TMEM117: variants seen among roughly 807,000 people sequenced by gnomAD.
TMEM117 encodes the protein transmembrane protein 117.
In TMEM117, 27 loss-of-function variants were observed where a neutral mutation model predicts 52.4. The ratio of observed to expected loss-of-function variants is 0.51; its 90% CI spans 0.38 to 0.71. The LOEUF (loss-of-function observed/expected upper bound fraction) is 0.71. Among genes scored for constraint, TMEM117 ranks in the 30% least tolerant of loss-of-function variants. The pLI is 0.00. For synonymous variants in TMEM117, 215 were observed against 206.3 expected, an observed-to-expected ratio of 1.04 and a Z score of -0.36; for missense variants, 556 against 630.5, an observed-to-expected ratio of 0.88 and a Z score of 1.26.
chr12:44,142,038 G>A (rs1379761744), intron 3 of TMEM117, among the ~76,000 whole-genome samples: 5 of 152,070 alleles, frequency 3.3e-5, no homozygotes, highest in East Asian at 1.9e-4. Context: ...AAATTTCTGC[G>A]TTTGTGAGTC....
intron 6 of TMEM117, among the ~76,000 whole-genome samples, chr12:44,307,358 CCTT>C (rs1450051991): frequency 6.6e-6 from 1 of 152,130 alleles, no homozygotes; most frequent in Non-Finnish European, 1.5e-5. Flanking sequence ...TTTAACATCT[CCTT>C]GAGCTTTGGG....
chr12:43,933,262 C>T (rs1944900344), intron 2 of TMEM117, among the ~76,000 whole-genome samples: 2 of 151,164 alleles, frequency 1.3e-5, no homozygotes, highest in Admixed American at 6.6e-5. Context: ...TGCAGTGGCA[C>T]GATCTCGGCT....
chr12:43,886,274 GGAA>G lies in TMEM117; in HGVS notation c.277+41353_277+41355del, dbSNP rs547840231. On this transcript the variant is annotated intron_variant, in intron 2 of 7. Transcript: ENST00000266534. The stretch of plus-strand genomic sequence containing the variant: ...GAGGGCGGTGTACCTGCAAAGAAGA[GGAA>G]GAAGAATTGCTAGAGATGGAGGAAA... Among the ~76,000 whole-genome samples the G allele has an allele frequency of 1.9e-3, 284 of 152,210 alleles. 3 individuals carry two copies. Among genetic ancestry groups the G allele is most frequent in the African/African-American group, 6.4e-3 (267 of 41,530 alleles).
downstream of TMEM117, among the ~76,000 whole-genome samples, chr12:44,392,799 A>C (rs942263273): frequency 6.6e-6 from 1 of 151,020 alleles, no homozygotes; most frequent in African/African-American, 2.4e-5. Context: ...CATTGAAATT[A>C]CTCTAAGTCT....
the TMEM117 span, among the ~76,000 whole-genome samples, chr12:43,824,093 G>A: frequency 6.6e-6 from 1 of 152,172 alleles, no homozygotes; most frequent in East Asian, 1.9e-4. Context: ...ATATTGTGAT[G>A]TAATTAAACA....
intron 3 of TMEM117, among the ~76,000 whole-genome samples, chr12:44,024,890 A>G (rs1398480960): frequency 2.6e-5 from 4 of 151,940 alleles, no homozygotes; most frequent in Admixed American, 6.6e-5. Flanking sequence ...ATATATGTAC[A>G]TACATATAAG....
At chr12:44,138,848 G>A (rs951908092) in intron 3 of TMEM117, among the ~76,000 whole-genome samples, 1 of 152,108 alleles carries the variant, frequency 6.6e-6, no homozygotes, top group African/African-American at 2.4e-5. Flanking sequence ...GATAATAGTC[G>A]AGTAAGTGAC....
chr12:44,061,459 C>T (rs989976081), intron 3 of TMEM117, among the ~76,000 whole-genome samples: 5 of 152,052 alleles, frequency 3.3e-5, no homozygotes, highest in African/African-American at 1.2e-4. Context: ...CAGCACTCTG[C>T]AGTGGGAGGA....
At chr12:43,842,172 A>T (rs1286982231) in intron 1 of TMEM117, among the ~76,000 whole-genome samples, 3 of 151,756 alleles carry the variant, frequency 2.0e-5, no homozygotes, top group Non-Finnish European at 4.4e-5. Flanking sequence ...GAAAACACAT[A>T]AAAGTTCATT....
rs533030917 is a variant in TMEM117 at position 43,868,994 on chromosome 12, G to A, written c.277+24066G>A. Among the ~76,000 whole-genome samples, 6 of 152,206 alleles carry A rather than the reference G, an allele frequency of 3.9e-5. No homozygotes were observed. The South Asian group carries it at 1.2e-3, about 32-fold the overall frequency. Reference sequence around the variant, plus strand: ...AAGAGAGAAAACACAAATTACCAATGTCAAGAATTAAAGATGGAATTTCAT... The same window carrying A: ...AAGAGAGAAAACACAAATTACCAATATCAAGAATTAAAGATGGAATTTCAT... On this transcript the variant is annotated intron_variant, in intron 2 of 7. Transcript: ENST00000266534.
At chr12:44,258,453 A>G (rs551326395) in intron 5 of TMEM117, among the ~76,000 whole-genome samples, 1 of 152,180 alleles carries the variant, frequency 6.6e-6, no homozygotes, top group Admixed American at 6.6e-5. Context: ...CCCTCATGAC[A>G]TATGGTGTGT....
chr12:43,870,242 G>A (rs1344502974), intron 2 of TMEM117, among the ~76,000 whole-genome samples: 1 of 151,470 alleles, frequency 6.6e-6, no homozygotes, highest in African/African-American at 2.4e-5. Context: ...GAATAGTGCT[G>A]CAGTGTGCAT....
At chr12:44,115,734 C>T (rs1433322761) in intron 3 of TMEM117, among the ~76,000 whole-genome samples, 1 of 152,120 alleles carries the variant, frequency 6.6e-6, no homozygotes, top group Non-Finnish European at 1.5e-5. Flanking sequence ...TTCATTTACT[C>T]TTTGATTAAG....
chr12:44,137,887 T>C (rs58851540), intron 3 of TMEM117, among the ~76,000 whole-genome samples: 14 of 152,126 alleles, frequency 9.2e-5, no homozygotes, highest in African/African-American at 2.4e-4. Context: ...CCCTGTGACA[T>C]TGGGGACCAC....
At chr12:44,057,854 C>T (rs1468304417) in intron 3 of TMEM117, among the ~76,000 whole-genome samples, 1 of 152,068 alleles carries the variant, frequency 6.6e-6, no homozygotes, top group Admixed American at 6.6e-5. Context: ...ATAACAAACC[C>T]TGTGTAAAGC....
intron 2 of TMEM117, among the ~76,000 whole-genome samples, chr12:43,931,062 A>G (rs760619790): frequency 1.6e-4 from 24 of 152,214 alleles, no homozygotes; most frequent in Non-Finnish European, 2.5e-4. Flanking sequence ...GGATGTGAGA[A>G]CCCACCCCAA....
chr12:44,201,113 A>G (rs1173077709), intron 4 of TMEM117, among the ~76,000 whole-genome samples: 1 of 152,200 alleles, frequency 6.6e-6, no homozygotes, highest in Non-Finnish European at 1.5e-5. Context: ...ATTGCCTTTT[A>G]AAATGAGGTT....
chr12:44,068,496 T>G (rs765960853), intron 3 of TMEM117, among the ~76,000 whole-genome samples: 2 of 152,184 alleles, frequency 1.3e-5, no homozygotes, highest in Non-Finnish European at 2.9e-5. Context: ...GTATTATTAG[T>G]TGGCCTAATT....
At chr12:44,057,026 T>A (rs187636547) in intron 3 of TMEM117, among the ~76,000 whole-genome samples, 24 of 152,282 alleles carry the variant, frequency 1.6e-4, no homozygotes, top group Admixed American at 1.6e-3. Context: ...AAGCCAGAGA[T>A]CTCCACCTTA....
Sources: allele counts gnomAD v4.1 joint callset (sites outside exome capture counted in the v4.1 genomes callset), GRCh38; gene constraint gnomAD v4.1.1; transcripts MANE v1.5; gene names NCBI Gene and HGNC (gene_info 2026-07-23, HGNC 2026-07-21).